SFMBT2: variants seen among roughly 807,000 people sequenced by gnomAD.
SFMBT2 encodes the protein scm-like with four MBT domains protein 2.
Under a neutral mutation model 110.1 loss-of-function variants are expected in SFMBT2, and 38 were observed. The observed-to-expected ratio is 0.35, with a 90% CI of 0.27 to 0.45. The LOEUF is 0.45. Ranked by LOEUF, SFMBT2 falls within the 20% of genes least tolerant of loss-of-function variation. SFMBT2 has a pLI of 1.00. For synonymous variants in SFMBT2, 425 were observed against 425.4 expected (o/e 1.00, Z 0.01); for missense variants, 1,011 against 1,094.9 (o/e 0.92, Z 1.08).
intron 2 of SFMBT2, among the ~76,000 whole-genome samples, chr10:7,380,046 G>C (rs1022082177): frequency 2.0e-5 from 3 of 152,182 alleles, no homozygotes; most frequent in Non-Finnish European, 4.4e-5. Context: ...ATCCACGTTG[G>C]ATGTGTGCAG....
At chr10:7,165,674 C>A (rs750469233) in intron 20 of SFMBT2, among the ~76,000 whole-genome samples, 1 of 152,170 alleles carries the variant, frequency 6.6e-6, no homozygotes, top group South Asian at 2.1e-4. Flanking sequence ...CCAAAGGTGA[C>A]CTTATCAAAT....
chr10:7,181,158 G>A (rs1224519068), intron 16 of SFMBT2, among the ~76,000 whole-genome samples: 1 of 150,828 alleles, frequency 6.6e-6, no homozygotes, highest in Non-Finnish European at 1.5e-5. Flanking sequence ...AGAATCGCTG[G>A]AACCCAGGAG....
At chr10:7,168,638 C>T (rs1478789043) in intron 20 of SFMBT2, among the ~76,000 whole-genome samples, 1 of 152,252 alleles carries the variant, frequency 6.6e-6, no homozygotes, top group African/African-American at 2.4e-5. Context: ...GCCGCAGCAC[C>T]ACTGTCAATA....
chr10:7,410,395 C>A (rs986940492), intron 1 of SFMBT2, among the ~76,000 whole-genome samples: 20 of 152,216 alleles, frequency 1.3e-4, no homozygotes, highest in Middle Eastern at 3.2e-3. Flanking sequence ...GCGGAGGAGA[C>A]GCGGGAGCGC....
chr10:7,222,082 G>C (rs1286892844), intron 10 of SFMBT2, among the ~76,000 whole-genome samples: 6 of 152,218 alleles, frequency 3.9e-5, no homozygotes, highest in Admixed American at 2.6e-4. Flanking sequence ...TATTCTGTAA[G>C]TCATGTAAAT....
At position 7,386,610 on chromosome 10, in the gene SFMBT2, G is replaced by A. The variant is rs1021170429; in HGVS notation, c.-51-4661C>T. Among the ~76,000 whole-genome samples, 10 of 152,048 alleles carry A rather than the reference G, an allele frequency of 6.6e-5. 1 individual carries two copies. Among genetic ancestry groups the A allele is most frequent in the Non-Finnish European group, 1.5e-4 (10 of 68,022 alleles). ...GAGTCGGAGCAAAAAAAAAAATTCT[G>A]TGTATGTGAACCCACTGGTCATTGG... On this transcript the variant is annotated intron_variant, in intron 1 of 20. Coordinates refer to ENST00000397167, the MANE Select transcript of SFMBT2 (RefSeq NM_001387889.1).
At chr10:7,251,542 C>T (rs2767702) in intron 7 of SFMBT2, among the ~76,000 whole-genome samples, 38,869 of 152,124 alleles carry the variant, frequency 0.26, 5,314 homozygotes, top group South Asian at 0.43. Flanking sequence ...GTCCCGATCA[C>T]AGCTTTTGCA....
intron 9 of SFMBT2, among the ~76,000 whole-genome samples, chr10:7,238,563 T>G (rs1312357378): frequency 2.0e-5 from 3 of 152,178 alleles, no homozygotes; most frequent in Non-Finnish European, 4.4e-5. Flanking sequence ...GACTTACGGT[T>G]CCCTGCTTTG....
intron 15 of SFMBT2, among the ~76,000 whole-genome samples, chr10:7,190,885 C>A (rs943798854): frequency 1.3e-5 from 2 of 152,164 alleles, no homozygotes; most frequent in African/African-American, 4.8e-5. Flanking sequence ...TGGGAGGAAC[C>A]TTGTGGGAGG....
At chr10:7,374,668 C>G (rs1170766043) in intron 2 of SFMBT2, among the ~76,000 whole-genome samples, 1 of 152,166 alleles carries the variant, frequency 6.6e-6, no homozygotes, top group Non-Finnish European at 1.5e-5. Context: ...ACACTAAGCT[C>G]TGTCCCTCTC....
intron 2 of SFMBT2, among the ~76,000 whole-genome samples, chr10:7,373,971 A>G (rs960512778): frequency 6.6e-6 from 1 of 152,106 alleles, no homozygotes; most frequent in Non-Finnish European, 1.5e-5. Context: ...AATCACAAAC[A>G]TGCAAATCGA....
intron 1 of SFMBT2, among the ~76,000 whole-genome samples, chr10:7,406,373 T>C (rs1299325779): frequency 6.6e-6 from 1 of 151,966 alleles, no homozygotes; most frequent in East Asian, 1.9e-4. Context: ...CCTGTATCAA[T>C]TACATAGAAC....
In SFMBT2 at chr10:7,172,202, G is replaced by A. The variant is rs773346612; in HGVS notation, c.2152-44C>T. 2.2e-5 allele frequency: 33 copies of A among 1,514,360 alleles called. 1 individual carries two copies. In the Admixed American group the frequency reaches 2.2e-4, roughly 10 times the overall value. 93.8% of individuals were successfully genotyped at this position (1,514,360 alleles called of 1,614,324 possible). ...CATTTAAGGGGCTGGTGGCCCGGGG[G>A]CCTGTAGCGGTGGCCCCGCGGTCAG... is the stretch of plus-strand genomic sequence containing the variant. On this transcript the variant is annotated intron_variant, in intron 18 of 20. Transcript: ENST00000397167. The surrounding 1 kb of genome is among the most constrained non-coding windows in gnomAD (Gnocchi z 4.6).
chr10:7,362,130 G>A (rs537043357), intron 4 of SFMBT2, among the ~76,000 whole-genome samples: 15 of 152,192 alleles, frequency 9.9e-5, no homozygotes, highest in Non-Finnish European at 1.9e-4. Context: ...ATAATCCTCC[G>A]CGGCACTGGG....
At chr10:7,358,726 T>C (rs1335970221) in intron 4 of SFMBT2, among the ~76,000 whole-genome samples, 1 of 105,982 alleles carries the variant, frequency 9.4e-6, no homozygotes, top group Non-Finnish European at 2.1e-5. Context: ...GGCATGGCTC[T>C]TGAACATCTG....
intron 1 of SFMBT2, among the ~76,000 whole-genome samples, chr10:7,385,806 TG>T (rs1337207136): frequency 6.6e-6 from 1 of 152,056 alleles, no homozygotes; most frequent in African/African-American, 2.4e-5. Flanking sequence ...AAGACCATCC[TG>T]GCTAACACGG....
At chr10:7,228,732 TTTCCTTTCTCTCTCTC>T (rs1840004719) in intron 9 of SFMBT2, among the ~76,000 whole-genome samples, 9 of 60,682 alleles carry the variant, frequency 1.5e-4, no homozygotes, top group Non-Finnish European at 2.6e-4. Context: ...TCTTTCTTTC[TTTCCTTTCTCTCTCTC>T]TCTCTCTCTC....
rs1414698976 is a variant in SFMBT2 at position 7,408,961 on chromosome 10, T to C, written c.-52+1900A>G. 6.6e-6 allele frequency among the ~76,000 whole-genome samples: 1 copy of C among 151,948 alleles called. No homozygotes were observed. Among genetic ancestry groups the C allele is most frequent in the Admixed American group, 6.6e-5 (1 of 15,258 alleles). On this transcript the variant is annotated intron_variant, in intron 1 of 20. Transcript: ENST00000397167. This position sits in a 1 kb window ranked among gnomAD's most constrained non-coding sequence, Gnocchi z 5.7. Reference sequence around the variant, plus strand: ...CCTAAGCCGAGCAAGGGACAATTTCTTCCCCAAACGCTGTCCCCATCCCCC... The same window carrying C: ...CCTAAGCCGAGCAAGGGACAATTTCCTCCCCAAACGCTGTCCCCATCCCCC...
chr10:7,303,033 C>T (rs559349634), intron 4 of SFMBT2, among the ~76,000 whole-genome samples: 1 of 151,892 alleles, frequency 6.6e-6, no homozygotes, highest in Non-Finnish European at 1.5e-5. Flanking sequence ...AATGCTGCAC[C>T]TGTAGCTGTC....
Sources: gnomAD v4.1 joint callset for allele counts (sites outside exome capture counted in the v4.1 genomes callset) on GRCh38, gnomAD v4.1.1 for gene constraint, Gnocchi (gnomAD v3.1) non-coding constraint, MANE v1.5 for transcripts, NCBI Gene and HGNC (gene_info 2026-07-23, HGNC 2026-07-21) for gene names.